The following SLC9C2 variants were observed in gnomAD, a reference collection of about 807,000 sequenced individuals.
SLC9C2 encodes solute carrier family 9 member C2 (putative).
In SLC9C2, 75 loss-of-function variants were observed where a neutral mutation model predicts 140.2. The observed-to-expected ratio is 0.53, with a 90% CI of 0.44 to 0.65. The LOEUF is 0.65. SLC9C2 is among the 30% of genes least tolerant of loss of function. The probability of loss-of-function intolerance (pLI) is 0.00; values close to 1 mark genes in which losing one functional copy is unlikely to be tolerated. For synonymous variants in SLC9C2, 375 were observed against 420.9 expected, an observed-to-expected ratio of 0.89 and a Z score of 1.34; for missense variants, 1,074 against 1,331.8, an observed-to-expected ratio of 0.81 and a Z score of 3.01.
chr1:173,529,767 T>G (rs900916852), intron 18 of SLC9C2, 138 bp downstream of exon 18: 1 of 887,494 alleles, frequency 1.1e-6, no homozygotes, highest in African/African-American at 1.7e-5. Context: ...TAGCACCTCA[T>G]ATGATATAAT....
rs1430780164 is a variant in SLC9C2, at chr1:173,516,669, T to G, written c.2907+868A>C. Among the ~76,000 whole-genome samples the G allele has an allele frequency of 2.6e-5, 4 of 152,242 alleles. No homozygotes were observed. The East Asian group carries it at 7.7e-4, about 29-fold the overall frequency. ...CTCACTCTTTTTTAGGGCTACATAG[T>G]ATTCTATGGTATATATGTACCATGT... On this transcript the variant is annotated intron_variant, in intron 23 of 27. Coordinates refer to ENST00000367714, the MANE Select transcript of SLC9C2 (RefSeq NM_178527.4).
chr1:173,544,601 C>T (rs1323902344), intron 13 of SLC9C2, among the ~76,000 whole-genome samples: 1 of 152,132 alleles, frequency 6.6e-6, no homozygotes, highest in Non-Finnish European at 1.5e-5. Context: ...AGACTTGGAA[C>T]CAACCCATAT....
At chr1:173,583,056 C>T (rs1318059541) in intron 6 of SLC9C2, among the ~76,000 whole-genome samples, 2 of 152,228 alleles carry the variant, frequency 1.3e-5, no homozygotes, top group African/African-American at 2.4e-5. Context: ...ATGCAGTCCT[C>T]CTTCGGGTAT....
At chr1:173,524,373 T>C (rs543838983) in intron 20 of SLC9C2, among the ~76,000 whole-genome samples, 122 of 152,292 alleles carry the variant, frequency 8.0e-4, no homozygotes, top group African/African-American at 2.6e-3. Flanking sequence ...AGTGAGTCTA[T>C]AGGGAAAGCC....
chr1:173,567,954 G>T (rs10912647), intron 9 of SLC9C2, among the ~76,000 whole-genome samples: 34,796 of 151,838 alleles, frequency 0.23, 5,205 homozygotes, highest in East Asian at 0.64. Flanking sequence ...GATAAAAAAC[G>T]ATACACTTTG....
At chr1:173,530,115 A>G in intron 17 of SLC9C2, 61 bp from the exon 18 acceptor site, 1 of 1,456,498 alleles carries the variant, frequency 6.9e-7, no homozygotes, top group Non-Finnish European at 9.2e-7. Context: ...GCACCCTCTG[A>G]GGCAGAAATT....
chr1:173,542,730 A>G (rs1662525718), intron 13 of SLC9C2, among the ~76,000 whole-genome samples: 1 of 152,214 alleles, frequency 6.6e-6, no homozygotes, highest in Non-Finnish European at 1.5e-5. Flanking sequence ...AACGTAATCC[A>G]TTACATAAAC....
intron 13 of SLC9C2, among the ~76,000 whole-genome samples, chr1:173,541,278 G>C (rs531031443): frequency 6.6e-6 from 1 of 152,226 alleles, no homozygotes; most frequent in East Asian, 1.9e-4. Flanking sequence ...TTACATAATG[G>C]TAAAGGGATC....
intron 13 of SLC9C2, among the ~76,000 whole-genome samples, chr1:173,544,056 A>T (rs1428457332): frequency 2.6e-5 from 4 of 152,238 alleles, no homozygotes; most frequent in Non-Finnish European, 5.9e-5. Context: ...AACTACCATC[A>T]GAGTGAACAG....
intron 25 of SLC9C2, among the ~76,000 whole-genome samples, chr1:173,505,807 C>T (rs1431737291): frequency 1.3e-5 from 2 of 152,120 alleles, no homozygotes; most frequent in Non-Finnish European, 2.9e-5. Flanking sequence ...TTAATCCTCC[C>T]AATAACCCGA....
intron 9 of SLC9C2, among the ~76,000 whole-genome samples, chr1:173,559,697 C>T (rs1663967809): frequency 6.6e-6 from 1 of 152,240 alleles, no homozygotes; most frequent in South Asian, 2.1e-4. Flanking sequence ...CAGATTCCTT[C>T]CATGTCAGAA....
At chr1:173,554,860 G>T (rs750820815) in intron 10 of SLC9C2, 46 bp from the exon 11 acceptor site, 1 of 1,137,444 alleles carries the variant, frequency 8.8e-7, no homozygotes, top group East Asian at 2.4e-5. Context: ...CATTAAATAA[G>T]TTCTCCAAAA....
rs535244325 is a variant in SLC9C2, at chr1:173,513,783, G to A, written c.2907+3754C>T. Among the ~76,000 whole-genome samples the A allele has an allele frequency of 2.4e-4, 37 of 152,208 alleles. No homozygotes were observed. The South Asian group carries it at 7.5e-3, about 31-fold the overall frequency. Reference sequence around the variant, plus strand: ...GAGATCTTTCTAGCTTTCTGATGTGGGCATTTAGTGCTATAAATTTACCTC... The same window carrying A: ...GAGATCTTTCTAGCTTTCTGATGTGAGCATTTAGTGCTATAAATTTACCTC... On this transcript the variant is annotated intron_variant, in intron 23 of 27. Transcript: ENST00000367714.
At position 173,511,924 on chromosome 1, in the gene SLC9C2, C is replaced by T. The variant is rs187841037; in HGVS notation, c.2908-2225G>A. On this transcript the variant is annotated intron_variant, in intron 23 of 27. Transcript: ENST00000367714. ...TGAATAGGAGATCCTTTCCCCATTGCTTGTTTTTATCAGGTTTGTCGAAGA... is the reference window on the plus strand; with the variant it reads ...TGAATAGGAGATCCTTTCCCCATTGTTTGTTTTTATCAGGTTTGTCGAAGA... Among the ~76,000 whole-genome samples the T allele has an allele frequency of 5.8e-3, 887 of 152,270 alleles. 13 individuals are homozygous for T. The highest frequency in any genetic ancestry group is 5.3e-3 in the Non-Finnish European group (359 of 68,018).
At chr1:173,552,795 C>T (rs371166372) in intron 11 of SLC9C2, among the ~76,000 whole-genome samples, 1 of 152,204 alleles carries the variant, frequency 6.6e-6, no homozygotes, top group African/African-American at 2.4e-5. Flanking sequence ...TCCCTGCCTG[C>T]CAGCACAACA....
intron 4 of SLC9C2, among the ~76,000 whole-genome samples, chr1:173,594,422 T>C (rs557701158): frequency 1.3e-5 from 2 of 152,338 alleles, no homozygotes; most frequent in East Asian, 1.9e-4. Flanking sequence ...ATTCCATAAC[T>C]ATGTACAATT....
chr1:173,576,647 G>T lies in SLC9C2; in HGVS notation c.902+14C>A. On this transcript the variant is annotated intron_variant, in intron 8 of 27. Coordinates refer to ENST00000367714, the MANE Select transcript of SLC9C2 (RefSeq NM_178527.4). ...TGCTATGAGATCCATCGAAGGGCACGATAGGAAACTTACTTAGTAATTACA... is the reference window on the plus strand; with the variant it reads ...TGCTATGAGATCCATCGAAGGGCACTATAGGAAACTTACTTAGTAATTACA... 6.4e-7 allele frequency: 1 copy of T among 1,555,578 alleles called. No individual in the cohort carries two copies. Among genetic ancestry groups the T allele is most frequent in the Non-Finnish European group, 8.8e-7 (1 of 1,132,220 alleles).
rs146332693 is a variant in SLC9C2 at position 173,521,477 on chromosome 1, C to CTATATATATATA, written c.2641-90_2641-79dup. 237 of 254,454 alleles carry CTATATATATATA rather than the reference C, an allele frequency of 9.3e-4. 1 individual carries two copies. Among genetic ancestry groups the CTATATATATATA allele is most frequent in the Middle Eastern group, 1.4e-3 (1 of 716 alleles). 15.8% of individuals were successfully genotyped at this position (254,454 alleles called of 1,614,324 possible). On this transcript the variant is annotated intron_variant, in intron 21 of 27. Coordinates refer to ENST00000367714, the MANE Select transcript of SLC9C2 (RefSeq NM_178527.4). The stretch of plus-strand genomic sequence containing the variant: ...CCTAGTCTACTTTTCTAAATATTTT[C>CTATATATATATA]TATATATATATATATATATATGATT...
chr1:173,512,115 C>T (rs1326479233), intron 23 of SLC9C2, among the ~76,000 whole-genome samples: 7 of 151,982 alleles, frequency 4.6e-5, no homozygotes, highest in Non-Finnish European at 8.8e-5. Context: ...TTTTTGCTTA[C>T]GATTGTCTTG....
Sources: allele counts gnomAD v4.1 joint callset (sites outside exome capture counted in the v4.1 genomes callset), GRCh38; gene constraint gnomAD v4.1.1; transcripts MANE v1.5; gene names NCBI Gene and HGNC (gene_info 2026-07-23, HGNC 2026-07-21).